HIPK2: variants seen among roughly 807,000 people sequenced by gnomAD.
HIPK2 encodes the protein homeodomain interacting protein kinase 2.
A neutral mutation model predicts 113.7 loss-of-function variants in HIPK2; 27 were observed. The ratio of observed to expected loss-of-function variants is 0.24; its 90% CI spans 0.17 to 0.33. HIPK2 has a LOEUF of 0.33. HIPK2 is among the 10% of genes least tolerant of loss of function. The pLI, the probability that HIPK2 is intolerant of heterozygous loss-of-function variation, is 1.00. For missense variants in HIPK2, 1,257 were observed against 1,588.0 expected, an observed-to-expected ratio of 0.79 and a Z score of 3.54; for synonymous variants, 631 against 642.2, an observed-to-expected ratio of 0.98 and a Z score of 0.26.
At chr7:139,627,095 T>C (rs1038853640) in intron 5 of HIPK2, among the ~76,000 whole-genome samples, 2 of 152,202 alleles carry the variant, frequency 1.3e-5, no homozygotes, top group Non-Finnish European at 2.9e-5. Flanking sequence ...TAAGTTGAAA[T>C]GCAGCTTTCA....
chr7:139,618,158 GATA>G (rs1020788398), intron 7 of HIPK2, among the ~76,000 whole-genome samples: 3 of 152,222 alleles, frequency 2.0e-5, no homozygotes, highest in Non-Finnish European at 4.4e-5. Context: ...AAATGGAAAT[GATA>G]ATAATAAAAC....
At chr7:139,771,822 A>G (rs369934837) in intron 1 of HIPK2, among the ~76,000 whole-genome samples, 2 of 152,204 alleles carry the variant, frequency 1.3e-5, no homozygotes, top group Non-Finnish European at 2.9e-5. Context: ...GTGAGGAAAA[A>G]GCTAAAGAGA....
intron 1 of HIPK2, among the ~76,000 whole-genome samples, chr7:139,758,296 T>C (rs527951643): frequency 3.5e-4 from 54 of 152,246 alleles, no homozygotes; most frequent in Non-Finnish European, 6.0e-4. Context: ...TGGAAAAACA[T>C]AGAGTCCAGA....
At chr7:139,621,346 T>C (rs1800227642) in intron 6 of HIPK2, among the ~76,000 whole-genome samples, 1 of 152,196 alleles carries the variant, frequency 6.6e-6, no homozygotes, top group Admixed American at 6.5e-5. Context: ...TTTCACCAAC[T>C]TCAGCCTTCA....
At chr7:139,732,350 T>C (rs1318785490) in intron 1 of HIPK2, among the ~76,000 whole-genome samples, 1 of 152,204 alleles carries the variant, frequency 6.6e-6, no homozygotes, top group Non-Finnish European at 1.5e-5. Context: ...AAGCCAGTCC[T>C]GGCGTTATTA....
intron 2 of HIPK2, among the ~76,000 whole-genome samples, chr7:139,670,475 C>T (rs913274542): frequency 3.3e-5 from 5 of 151,556 alleles, no homozygotes; most frequent in South Asian, 2.1e-4. Flanking sequence ...CACCTGTAGT[C>T]CCAGCTACTC....
At chr7:139,609,324 ATGCACACATCCTCTGGG>A (rs1404253981) in intron 9 of HIPK2, among the ~76,000 whole-genome samples, 3 of 152,192 alleles carry the variant, frequency 2.0e-5, no homozygotes, top group African/African-American at 7.2e-5. Context: ...TCCACCTGCC[ATGCACACATCCTCTGGG>A]TGCCCCACAG....
chr7:139,616,048 G>A (rs956451159), intron 7 of HIPK2, among the ~76,000 whole-genome samples: 1 of 152,022 alleles, frequency 6.6e-6, no homozygotes, highest in Non-Finnish European at 1.5e-5. Context: ...CATTCCCCAT[G>A]GTCTGCTCAT....
intron 2 of HIPK2, among the ~76,000 whole-genome samples, chr7:139,703,562 G>A (rs1488124072): frequency 6.6e-6 from 1 of 151,870 alleles, no homozygotes; most frequent in African/African-American, 2.4e-5. Context: ...TGTGACTGGG[G>A]ATGACACTTC....
At chr7:139,738,453 G>A (rs909981008) in intron 1 of HIPK2, among the ~76,000 whole-genome samples, 13 of 152,242 alleles carry the variant, frequency 8.5e-5, no homozygotes, top group African/African-American at 2.9e-4. Flanking sequence ...TGAATGTAAA[G>A]TTTTGTTTAG....
In HIPK2 at chr7:139,631,562, A is replaced by C; in HGVS notation, c.1227+40T>G. 1 of 1,597,782 alleles carries C rather than the reference A, an allele frequency of 6.3e-7. No individual in the cohort carries two copies. The highest frequency in any genetic ancestry group is 8.5e-7 in the Non-Finnish European group (1 of 1,170,910). ...CTAATCCAGGCTATTTTCCAGATGA[A>C]GAATGAGGTCTTGTGAATATCTGTG... On this transcript the variant is annotated intron_variant, in intron 3 of 14. Transcript: ENST00000406875. This position sits in a 1 kb window ranked among gnomAD's most constrained non-coding sequence, Gnocchi z 4.9.
intron 2 of HIPK2, among the ~76,000 whole-genome samples, chr7:139,682,406 G>A (rs1251921521): frequency 6.6e-6 from 1 of 152,146 alleles, no homozygotes; most frequent in African/African-American, 2.4e-5. Context: ...GTGCAATGAG[G>A]GGTTGGAATG....
chr7:139,667,206 C>T (rs543153240), intron 2 of HIPK2, among the ~76,000 whole-genome samples: 1 of 152,232 alleles, frequency 6.6e-6, no homozygotes, highest in East Asian at 1.9e-4. Flanking sequence ...TATAGTTACC[C>T]TTGCATAGTT....
At chr7:139,705,738 A>T (rs947886706) in intron 2 of HIPK2, among the ~76,000 whole-genome samples, 6 of 152,110 alleles carry the variant, frequency 3.9e-5, no homozygotes, top group Admixed American at 3.3e-4. Flanking sequence ...ACACAGCTGT[A>T]AAGTAGCAGA....
At chr7:139,609,463 T>C (rs1799738152) in intron 9 of HIPK2, among the ~76,000 whole-genome samples, 1 of 152,180 alleles carries the variant, frequency 6.6e-6, no homozygotes, top group Non-Finnish European at 1.5e-5. Flanking sequence ...TCTCTAAGTG[T>C]TCATAAGTAA....
chr7:139,564,098 A>G lies in HIPK2; in HGVS notation c.*8829T>C. The G allele has an allele frequency of 2.5e-6, 1 of 397,574 alleles. No individual in the cohort carries two copies. Among genetic ancestry groups the G allele is most frequent in the African/African-American group, 2.1e-5 (1 of 48,744 alleles). 24.6% of individuals were successfully genotyped at this position (397,574 alleles called of 1,614,324 possible). A position where few individuals can be genotyped will look rare whatever the true frequency, so the allele number is the denominator to read the frequency against. ...TCCTGCTCAGCCCTGACCATCTCTG[A>G]GAGGATGCTAAGGTCCCCCTCCCAC... On this transcript the variant is annotated 3_prime_UTR_variant, in exon 15 of 15. Transcript: ENST00000406875.
chr7:139,706,425 C>T (rs143463829), intron 2 of HIPK2, among the ~76,000 whole-genome samples: 3 of 152,242 alleles, frequency 2.0e-5, no homozygotes, highest in East Asian at 1.9e-4. Flanking sequence ...CGGTGGGTGA[C>T]GAGATGAGCT....
At chr7:139,751,528 T>G (rs1348018421) in intron 1 of HIPK2, among the ~76,000 whole-genome samples, 1 of 139,110 alleles carries the variant, frequency 7.2e-6, no homozygotes, top group Non-Finnish European at 1.5e-5. Flanking sequence ...ATTTGATGAA[T>G]GATTTGGAGG....
At chr7:139,777,512 G>T in intron 1 of HIPK2, 93 bp downstream of exon 1, 1 of 456,700 alleles carries the variant, frequency 2.2e-6, no homozygotes, top group Non-Finnish European at 2.9e-6. Context: ...GGCAGGCGCC[G>T]GGGGCTGCGG....
Sources: gnomAD v4.1 joint callset for allele counts (sites outside exome capture counted in the v4.1 genomes callset) on GRCh38, gnomAD v4.1.1 for gene constraint, Gnocchi (gnomAD v3.1) non-coding constraint, MANE v1.5 for transcripts, NCBI Gene and HGNC (gene_info 2026-07-23, HGNC 2026-07-21) for gene names.